GRIP1: variants seen among roughly 807,000 people sequenced by gnomAD.
GRIP1 encodes the protein glutamate receptor-interacting protein 1.
A neutral mutation model predicts 129.9 loss-of-function variants in GRIP1; 45 were observed. The observed-to-expected ratio is 0.35, with a 90% confidence interval of 0.27 to 0.44. The LOEUF (loss-of-function observed/expected upper bound fraction) is 0.44. Among genes scored for constraint, GRIP1 ranks in the 20% least tolerant of loss-of-function variants. GRIP1 has a pLI of 1.00. For missense variants in GRIP1, 1,196 were observed against 1,396.8 expected (o/e 0.86, Z 2.29); for synonymous variants, 530 against 520.8 (o/e 1.02, Z -0.24).
At position 66,725,205 on chromosome 12, in the gene GRIP1, G is replaced by C. The variant is rs551179918; in HGVS notation, c.-420+78848C>G. Among the ~76,000 whole-genome samples, 45 of 152,176 alleles carry C rather than the reference G, an allele frequency of 3.0e-4. 1 individual carries two copies. The Middle Eastern group carries it at 0.014, about 46-fold the overall frequency. ...CAGTCCTAGCTACTAAGGGGGCTGA[G>C]GTAAGAGGATCACTTGGGCCCAGGG... On this transcript the variant is annotated intron_variant, in intron 1 of 4. Transcript: ENST00000538373.
At chr12:66,514,175 C>G (rs1010615574) in intron 7 of GRIP1, among the ~76,000 whole-genome samples, 1 of 152,126 alleles carries the variant, frequency 6.6e-6, no homozygotes, top group East Asian at 1.9e-4. Context: ...CCATTGCAAG[C>G]TTCATAAGAG....
At chr12:66,613,594 G>T (rs1236353584) in intron 1 of GRIP1, among the ~76,000 whole-genome samples, 1 of 151,904 alleles carries the variant, frequency 6.6e-6, no homozygotes, top group Non-Finnish European at 1.5e-5. Context: ...TATCCAGTTT[G>T]GCAACAACTA....
intron 1 of GRIP1, among the ~76,000 whole-genome samples, chr12:66,852,192 C>A (rs747311189): frequency 5.9e-5 from 9 of 151,986 alleles, no homozygotes; most frequent in African/African-American, 9.7e-5. Flanking sequence ...TTTGTACCTA[C>A]TTTAGTCATA....
At position 67,031,507 on chromosome 12, in the gene GRIP1, C is replaced by A. The variant is rs772551541; in HGVS notation, c.58+37543G>T. Among the ~76,000 whole-genome samples, 4 of 152,278 alleles carry A rather than the reference C, an allele frequency of 2.6e-5. No homozygotes were observed. In the East Asian group the frequency reaches 7.7e-4, roughly 29 times the overall value. ...GCTCTTTTTGAGGTGACTCCAATATCTGTAATCCTTATCACTCTCTTGACC... is the reference window on the plus strand; with the variant it reads ...GCTCTTTTTGAGGTGACTCCAATATATGTAATCCTTATCACTCTCTTGACC... On this transcript the variant is annotated intron_variant, in intron 1 of 1. Transcript: ENST00000643019.
intron 1 of GRIP1, among the ~76,000 whole-genome samples, chr12:66,800,536 A>G (rs1411077550): frequency 1.3e-5 from 2 of 152,184 alleles, no homozygotes; most frequent in Admixed American, 6.5e-5. Context: ...AATATACATT[A>G]TCTGTCTTAT....
At chr12:66,539,505 T>G (rs955613873) in intron 3 of GRIP1, among the ~76,000 whole-genome samples, 19 of 151,966 alleles carry the variant, frequency 1.3e-4, no homozygotes, top group Non-Finnish European at 5.9e-5. Context: ...TTTTTGCCTG[T>G]TTTATTTTTA....
intron 1 of GRIP1, among the ~76,000 whole-genome samples, chr12:66,879,688 C>G (rs974848422): frequency 3.9e-5 from 6 of 152,096 alleles, no homozygotes; most frequent in African/African-American, 1.4e-4. Context: ...TGAATGGCAA[C>G]TAGTTATAAG....
intron 1 of GRIP1, among the ~76,000 whole-genome samples, chr12:66,802,853 G>A (rs1020463229): frequency 6.6e-6 from 1 of 152,168 alleles, no homozygotes; most frequent in Non-Finnish European, 1.5e-5. Flanking sequence ...GAAACAGAGT[G>A]TCACTCTATC....
At chr12:67,048,305 T>C (rs2043286696) in intron 1 of GRIP1, among the ~76,000 whole-genome samples, 1 of 152,142 alleles carries the variant, frequency 6.6e-6, no homozygotes, top group Non-Finnish European at 1.5e-5. Context: ...GTAGAAACAT[T>C]AGGAAGTACA....
rs754021728 is a variant in GRIP1 at position 66,496,861 on chromosome 12, AAAAG to A, written c.724+18754_724+18757del. On this transcript the variant is annotated intron_variant, in intron 7 of 24. Coordinates refer to ENST00000359742, the MANE Select transcript of GRIP1 (RefSeq NM_001366722.1). ...AAGGGGAGGGAAGAGAAGGGAAAAGAAAAGAAAGAGAGAGGATAGGAGAGGAAGA... is the reference window on the plus strand; with the variant it reads ...AAGGGGAGGGAAGAGAAGGGAAAAGAAAAGAGAGAGGATAGGAGAGGAAGA... 1.3e-4 allele frequency among the ~76,000 whole-genome samples: 18 copies of A among 137,168 alleles called. No individual in the cohort carries two copies. The East Asian group carries it at 2.4e-3, about 18-fold the overall frequency. The allele number at this position is 137,168 out of a possible 152,430, so 90.0% of individuals were successfully genotyped here. A position where few individuals can be genotyped will look rare whatever the true frequency, so the allele number is the denominator to read the frequency against.
chr12:66,475,269 G>C (rs1345241919), intron 7 of GRIP1, among the ~76,000 whole-genome samples: 2 of 152,202 alleles, frequency 1.3e-5, no homozygotes, highest in Non-Finnish European at 2.9e-5. Flanking sequence ...AATTCAACAA[G>C]AAGAGCTAAC....
At chr12:67,004,498 G>T (rs2135695467) in intron 1 of GRIP1, among the ~76,000 whole-genome samples, 1 of 152,216 alleles carries the variant, frequency 6.6e-6, no homozygotes, top group Admixed American at 6.5e-5. Flanking sequence ...GACCTAGTTT[G>T]ATGAGGACTC....
At chr12:66,490,937 G>A (rs549953650) in intron 7 of GRIP1, among the ~76,000 whole-genome samples, 17 of 152,200 alleles carry the variant, frequency 1.1e-4, no homozygotes, top group African/African-American at 3.1e-4. Flanking sequence ...TCAGAATGGC[G>A]ATTATTAAAA....
Position 66,564,109 on chromosome 12 carries a change from G to C in GRIP1, c.137-22159C>G, listed in dbSNP as rs184610318. ...TTTTTCAAGTTTGTGTTTTGCTTCA[G>C]TTGCCGCATCAATATCTCTGATTTT... On this transcript the variant is annotated intron_variant, in intron 2 of 24. Coordinates refer to ENST00000359742, the MANE Select transcript of GRIP1 (RefSeq NM_001366722.1). The C allele has an allele frequency of 3.9e-3, 618 of 156,504 alleles. 4 individuals are homozygous for C. Among genetic ancestry groups the C allele is most frequent in the South Asian group, 6.7e-3 (33 of 4,890 alleles). 9.7% of individuals were successfully genotyped at this position (156,504 alleles called of 1,614,324 possible).
At chr12:67,002,546 CA>C (rs1354736286) in intron 1 of GRIP1, among the ~76,000 whole-genome samples, 1 of 152,176 alleles carries the variant, frequency 6.6e-6, no homozygotes, top group Non-Finnish European at 1.5e-5. Context: ...GCAATTCATA[CA>C]ACAAAGCACA....
intron 14 of GRIP1, among the ~76,000 whole-genome samples, chr12:66,422,932 C>T (rs774751571): frequency 4.6e-5 from 7 of 152,120 alleles, no homozygotes; most frequent in East Asian, 1.9e-4. Context: ...ATGCATGGTC[C>T]GGGGGCCCAG....
intron 2 of GRIP1, among the ~76,000 whole-genome samples, chr12:66,547,510 A>T (rs1283734865): frequency 2.0e-5 from 3 of 152,218 alleles, no homozygotes; most frequent in African/African-American, 7.2e-5. Context: ...ATAGCAGGAA[A>T]CAGAAACAAC....
intron 1 of GRIP1, among the ~76,000 whole-genome samples, chr12:66,634,664 C>A (rs1358187077): frequency 6.6e-6 from 1 of 152,232 alleles, no homozygotes; most frequent in African/African-American, 2.4e-5. Context: ...AGTAAAATCT[C>A]TTTGACTTTC....
intron 7 of GRIP1, among the ~76,000 whole-genome samples, chr12:66,489,983 C>A (rs1213349671): frequency 6.6e-6 from 1 of 151,988 alleles, no homozygotes; most frequent in Non-Finnish European, 1.5e-5. Context: ...TCAGAGAGGA[C>A]ATAAACAAAT....
Sources: gnomAD v4.1 joint callset for allele counts (sites outside exome capture counted in the v4.1 genomes callset) on GRCh38, gnomAD v4.1.1 for gene constraint, MANE v1.5 for transcripts, NCBI Gene and HGNC (gene_info 2026-07-23, HGNC 2026-07-21) for gene names.